Variants in DPYD observed in about 807,000 individuals in gnomAD.
DPYD encodes dihydropyrimidine dehydrogenase.
In DPYD, 109 loss-of-function variants were observed where a neutral mutation model predicts 116.2. The ratio of observed to expected loss-of-function variants is 0.94; its 90% CI spans 0.80 to 1.10. The LOEUF (loss-of-function observed/expected upper bound fraction) is 1.10, where lower values mean the gene tolerates loss of function less well. Among genes scored for constraint, DPYD ranks in the 50% least tolerant of loss-of-function variants. The probability of loss-of-function intolerance (pLI) is 0.00; values close to 1 mark genes in which losing one functional copy is unlikely to be tolerated. For missense variants in DPYD, 1,302 were observed against 1,254.5 expected (o/e 1.04, Z -0.57); for synonymous variants, 440 against 432.0 (o/e 1.02, Z -0.23).
At chr1:97,342,501 C>T (rs894702097) in intron 16 of DPYD, among the ~76,000 whole-genome samples, 1 of 152,070 alleles carries the variant, frequency 6.6e-6, no homozygotes, top group Non-Finnish European at 1.5e-5. Context: ...TAAGCAAAGT[C>T]GACTTATGTT....
chr1:97,426,531 A>G (rs1455217404), intron 14 of DPYD, among the ~76,000 whole-genome samples: 1 of 151,850 alleles, frequency 6.6e-6, no homozygotes, highest in East Asian at 1.9e-4. Context: ...GGTGACATAG[A>G]ATGCTGACTC....
chr1:97,712,737 A>C lies in DPYD; in HGVS notation c.483+8773T>G, dbSNP rs540172033. On this transcript the variant is annotated intron_variant, in intron 5 of 22. Coordinates refer to ENST00000370192, the MANE Select transcript of DPYD (RefSeq NM_000110.4). ...TTCTTAAAGTCCAGGGCTCCAGTCC[A>C]AGGTGATTAGAGGCATCACAGAACC... is the stretch of plus-strand genomic sequence containing the variant. 9.9e-5 allele frequency among the ~76,000 whole-genome samples: 15 copies of C among 152,240 alleles called. 1 individual carries two copies. The South Asian group carries it at 3.1e-3, about 32-fold the overall frequency.
chr1:97,755,991 G>A (rs1279534188), intron 3 of DPYD, among the ~76,000 whole-genome samples: 2 of 152,046 alleles, frequency 1.3e-5, no homozygotes, highest in Admixed American at 1.3e-4. Flanking sequence ...CTGTAAAACA[G>A]GGACTACCAC....
At chr1:97,514,111 G>T in intron 13 of DPYD, 1 of 761,378 alleles carries the variant, frequency 1.3e-6, no homozygotes, top group Non-Finnish European at 1.6e-6. Flanking sequence ...TTTTGAACCA[G>T]CATCACACAC....
chr1:97,786,076 A>G (rs375393420), intron 3 of DPYD, among the ~76,000 whole-genome samples: 1 of 150,702 alleles, frequency 6.6e-6, no homozygotes, highest in African/African-American at 2.4e-5. Context: ...GCCAAATTAA[A>G]AAAAAAAAAA....
intron 19 of DPYD, among the ~76,000 whole-genome samples, chr1:97,226,730 CAAGT>C (rs1202262672): frequency 1.3e-5 from 2 of 152,030 alleles, no homozygotes; most frequent in Non-Finnish European, 2.9e-5. Context: ...GAAGAAAGCA[CAAGT>C]AAGTGATAAG....
chr1:97,598,003 T>A (rs1202916596), intron 8 of DPYD, among the ~76,000 whole-genome samples: 3 of 152,158 alleles, frequency 2.0e-5, no homozygotes, highest in Non-Finnish European at 4.4e-5. Flanking sequence ...TAAAAATATA[T>A]CCATATGGAT....
At chr1:97,820,577 C>A (rs1668870827) in intron 3 of DPYD, among the ~76,000 whole-genome samples, 1 of 152,170 alleles carries the variant, frequency 6.6e-6, no homozygotes, top group South Asian at 2.1e-4. Context: ...TTATGATGCA[C>A]CTACAAATAG....
At chr1:97,498,762 A>G (rs546094176) in intron 13 of DPYD, among the ~76,000 whole-genome samples, 28 of 151,846 alleles carry the variant, frequency 1.8e-4, no homozygotes, top group African/African-American at 6.0e-4. Flanking sequence ...TTAACATATC[A>G]CCTCAAACAT....
At chr1:97,640,907 T>C (rs1050823004) in intron 8 of DPYD, among the ~76,000 whole-genome samples, 3 of 152,204 alleles carry the variant, frequency 2.0e-5, no homozygotes, top group Non-Finnish European at 4.4e-5. Context: ...CACCAAGATA[T>C]GACATTTAGT....
chr1:97,180,061 T>C (rs900646126), intron 20 of DPYD, among the ~76,000 whole-genome samples: 1 of 152,182 alleles, frequency 6.6e-6, no homozygotes, highest in Non-Finnish European at 1.5e-5. Flanking sequence ...CGCTGTTCAA[T>C]ATCCATATCA....
intron 13 of DPYD, among the ~76,000 whole-genome samples, chr1:97,469,221 G>T (rs562459234): frequency 6.6e-6 from 1 of 151,726 alleles, no homozygotes; most frequent in Non-Finnish European, 1.5e-5. Context: ...TCAAATTTAG[G>T]TGAGGGTTAC....
At chr1:97,667,684 C>T (rs1034655599) in intron 8 of DPYD, among the ~76,000 whole-genome samples, 11 of 151,928 alleles carry the variant, frequency 7.2e-5, no homozygotes, top group Admixed American at 2.0e-4. Flanking sequence ...AACAGAGTTG[C>T]CAAATTATCT....
chr1:97,762,319 T>G (rs1449417203), intron 3 of DPYD, among the ~76,000 whole-genome samples: 1 of 152,066 alleles, frequency 6.6e-6, no homozygotes, highest in East Asian at 1.9e-4. Context: ...CACCTTTATA[T>G]CCGAGGATAA....
At chr1:97,171,280 A>G (rs1423622460) in intron 20 of DPYD, among the ~76,000 whole-genome samples, 1 of 152,166 alleles carries the variant, frequency 6.6e-6, no homozygotes, top group Non-Finnish European at 1.5e-5. Context: ...AAAAGCAATA[A>G]TTTATCCTAA....
At chr1:97,573,046 A>G (rs1016565397) in intron 11 of DPYD, among the ~76,000 whole-genome samples, 2 of 152,040 alleles carry the variant, frequency 1.3e-5, no homozygotes, top group African/African-American at 4.8e-5. Context: ...TCATTTCAAT[A>G]ATGTGAATTA....
chr1:97,892,397 G>C (rs890248756), intron 1 of DPYD, among the ~76,000 whole-genome samples: 5 of 151,892 alleles, frequency 3.3e-5, no homozygotes, highest in Middle Eastern at 3.4e-3. Flanking sequence ...ATTAGTCATA[G>C]TGTAGAGTGA....
chr1:97,720,892 A>C, intron 5 of DPYD: 1 of 1,609,834 alleles, frequency 6.2e-7, no homozygotes, highest in Non-Finnish European at 8.5e-7. Flanking sequence ...AAGTCTTTAC[A>C]AATGATTCAT....
At chr1:97,613,964 G>T (rs910423480) in intron 8 of DPYD, among the ~76,000 whole-genome samples, 2 of 151,996 alleles carry the variant, frequency 1.3e-5, no homozygotes, top group Non-Finnish European at 2.9e-5. Flanking sequence ...GAGCCAGGGG[G>T]AGGGATGGAT....
Sources: gnomAD v4.1 joint callset for allele counts (sites outside exome capture counted in the v4.1 genomes callset) on GRCh38, gnomAD v4.1.1 for gene constraint, MANE v1.5 for transcripts, NCBI Gene and HGNC (gene_info 2026-07-23, HGNC 2026-07-21) for gene names.